CHD1: variants seen among roughly 807,000 people sequenced by gnomAD.
CHD1 encodes ATP-dependent chromatin remodeler CHD1.
In CHD1, 36 loss-of-function variants were observed where a neutral mutation model predicts 224.2. The observed-to-expected ratio is 0.16, with a 90% confidence interval of 0.12 to 0.21. The LOEUF (loss-of-function observed/expected upper bound fraction) is 0.21, where lower values mean the gene tolerates loss of function less well. CHD1 is among the 10% of genes least tolerant of loss of function. CHD1 has a pLI of 1.00. For missense variants in CHD1, 1,378 were observed against 1,994.8 expected (o/e 0.69, Z 5.89); for synonymous variants, 668 against 658.3 (o/e 1.01, Z -0.23).
chr5:98,905,160 G>A (rs935794034), intron 2 of CHD1, 62 bp from the exon 3 acceptor site: 21 of 1,589,746 alleles, frequency 1.3e-5, no homozygotes, highest in Admixed American at 6.9e-5. Flanking sequence ...TTTCTTAGAC[G>A]TCAGCAGAAA....
At chr5:98,892,932 G>A (rs1264782691) in intron 14 of CHD1, among the ~76,000 whole-genome samples, 2 of 152,140 alleles carry the variant, frequency 1.3e-5, no homozygotes, top group African/African-American at 4.8e-5. Context: ...CTTGAATCAA[G>A]TGAATATGAA....
rs1407132883 is a variant in CHD1, at chr5:98,900,937, C to A, written c.733G>T (p.Asp245Tyr). 6.2e-7 allele frequency: 1 copy of A among 1,614,064 alleles called. No homozygotes were observed. Among genetic ancestry groups the A allele is most frequent in the South Asian group, 1.1e-5 (1 of 91,080 alleles). Residue 245 changes from aspartate (D) to tyrosine (Y), a missense_variant, in exon 7 of 36, where the codon GAT becomes TAT. Coordinates refer to ENST00000614616, the MANE Select transcript of CHD1 (RefSeq NM_001270.4). ...TCAGAATCTGTTTTCATTTCTTCATCCTCCTTATAGCTAACATTAACAGTT... is the reference window on the plus strand; with the variant it reads ...TCAGAATCTGTTTTCATTTCTTCATACTCCTTATAGCTAACATTAACAGTT... ...QATVNVSYKE[D>Y]EEMKTDSDDL...
chr5:98,915,896 T>A (rs1752700098), intron 2 of CHD1, among the ~76,000 whole-genome samples: 1 of 152,190 alleles, frequency 6.6e-6, no homozygotes, highest in Admixed American at 6.5e-5. Context: ...TGCCTACATT[T>A]AAAAGTTCAA....
chr5:98,917,613 T>A (rs1412406605), intron 2 of CHD1, among the ~76,000 whole-genome samples: 13 of 152,146 alleles, frequency 8.5e-5, no homozygotes, highest in Non-Finnish European at 1.9e-4. Flanking sequence ...TTGGAGTCAT[T>A]CTCATTAAGA....
intron 12 of CHD1, among the ~76,000 whole-genome samples, chr5:98,895,870 A>T (rs1358203183): frequency 1.3e-5 from 2 of 152,208 alleles, no homozygotes; most frequent in Non-Finnish European, 2.9e-5. Flanking sequence ...GTTCTATACC[A>T]GAAACAAAGA....
At chr5:98,892,127 C>A (rs889426885) in intron 15 of CHD1, among the ~76,000 whole-genome samples, 3 of 152,082 alleles carry the variant, frequency 2.0e-5, no homozygotes, top group Admixed American at 6.5e-5. Flanking sequence ...TTTATACCAG[C>A]TATGATTTGT....
intron 24 of CHD1, among the ~76,000 whole-genome samples, chr5:98,876,078 ACC>A (rs1749725779): frequency 6.6e-6 from 1 of 152,186 alleles, no homozygotes; most frequent in African/African-American, 2.4e-5. Context: ...AGTCATAAAC[ACC>A]GTGAGAATTT....
chr5:98,874,717 A>G (rs1288611257), intron 25 of CHD1, among the ~76,000 whole-genome samples: 2 of 140,754 alleles, frequency 1.4e-5, no homozygotes, highest in African/African-American at 5.5e-5. Flanking sequence ...ATTTAAAAAG[A>G]AAAAAAAAAA....
intron 21 of CHD1, 40 bp downstream of exon 21, chr5:98,881,238 AT>A (rs1750155655): frequency 1.7e-6 from 2 of 1,210,586 alleles, no homozygotes; most frequent in East Asian, 5.2e-5. Context: ...TATGACACAT[AT>A]TCTGAGGCAG....
At chr5:98,900,688 C>A in intron 7 of CHD1, 123 bp downstream of exon 7, 1 of 802,950 alleles carries the variant, frequency 1.2e-6, no homozygotes, top group South Asian at 1.8e-5. Context: ...TCTAGAACTC[C>A]TGATCCATCG....
intron 2 of CHD1, among the ~76,000 whole-genome samples, chr5:98,925,108 T>C (rs968653331): frequency 6.6e-6 from 1 of 152,204 alleles, no homozygotes; most frequent in Non-Finnish European, 1.5e-5. Context: ...TCCACCCCCA[T>C]GTCTCCATCA....
chr5:98,870,159 C>A (rs938735483), intron 29 of CHD1, among the ~76,000 whole-genome samples: 1 of 152,036 alleles, frequency 6.6e-6, no homozygotes, highest in African/African-American at 2.4e-5. Flanking sequence ...ATTATTATGG[C>A]CTTCAGCTTA....
At chr5:98,863,669 C>T (rs974985709) in intron 31 of CHD1, 83 bp from the exon 32 acceptor site, 2 of 884,566 alleles carry the variant, frequency 2.3e-6, no homozygotes, top group African/African-American at 1.7e-5. Context: ...ATGATATTTA[C>T]ATGAGTATAA....
chr5:98,892,103 C>A (rs1391865456), intron 15 of CHD1, among the ~76,000 whole-genome samples: 1 of 152,110 alleles, frequency 6.6e-6, no homozygotes, highest in Non-Finnish European at 1.5e-5. Context: ...CTGTATAGAT[C>A]TTGACATACA....
intron 17 of CHD1, 130 bp downstream of exon 17, chr5:98,887,958 A>G (rs1299513095): frequency 2.0e-6 from 1 of 493,124 alleles, no homozygotes; most frequent in Non-Finnish European, 3.3e-6. Context: ...TAAAGCAGAT[A>G]CATCTTTTTA....
Position 98,872,433 on chromosome 5 carries a change from G to C in CHD1, c.3694C>G (p.Pro1232Ala). The part of the protein sequence containing the change: ...IPLHKSIPSD[P>A]EERKQYTIPC... ...ATCACTCACTGCTTTCTTTCTTCTG[G>C]ATCAGAAGGAATGGATTTGTGCAAA... is the stretch of plus-strand genomic sequence containing the variant. The change falls in exon 27 of 36, where the codon CCA becomes GCA. Residue 1232 changes from proline (P) to alanine (A), a missense_variant. Physicochemically the swap from Pro to Ala is conservative, Grantham distance 27. Transcript: ENST00000614616. The C allele has an allele frequency of 1.9e-6, 3 of 1,610,716 alleles. No homozygotes were observed. The highest frequency in any genetic ancestry group is 2.5e-6 in the Non-Finnish European group (3 of 1,179,026).
In CHD1 at chr5:98,876,457, T is replaced by C; in HGVS notation, c.3339A>G (p.Gly1113=). ...ISEGKRPKKR[G]RPRTIPRENI... ...TCTCCCGAGGAATAGTCCGTGGTCT[T>C]CCACGTTTCTTTGGCCTTTTCCCTT... The change falls in exon 24 of 36, where the codon GGA becomes GGG. Residue 1113 remains glycine (G), a synonymous_variant. Transcript: ENST00000614616. 1 of 1,614,146 alleles carries C rather than the reference T, an allele frequency of 6.2e-7. No homozygotes were observed. The highest frequency in any genetic ancestry group is 8.5e-7 in the Non-Finnish European group (1 of 1,179,978).
intron 32 of CHD1, chr5:98,860,420 T>TA (rs1748381494): frequency 3.5e-6 from 1 of 285,878 alleles, no homozygotes; most frequent in Non-Finnish European, 6.8e-6. Context: ...AAGGGACAGG[T>TA]ATGTTAATAA....
chr5:98,904,403 A>C lies in CHD1; in HGVS notation c.255+494T>G, dbSNP rs749370758. Among the ~76,000 whole-genome samples, 5 of 152,204 alleles carry C rather than the reference A, an allele frequency of 3.3e-5. No individual in the cohort carries two copies. The East Asian group carries it at 9.6e-4, about 29-fold the overall frequency. Reference sequence around the variant, plus strand: ...TGAGTAACACTGTATACTACCACGAAGTATAGACAAGTTTTTGTATCTCTT... The same window carrying C: ...TGAGTAACACTGTATACTACCACGACGTATAGACAAGTTTTTGTATCTCTT... On this transcript the variant is annotated intron_variant, in intron 3 of 35. Coordinates refer to ENST00000614616, the MANE Select transcript of CHD1 (RefSeq NM_001270.4).
Sources: gnomAD v4.1 joint callset for allele counts (sites outside exome capture counted in the v4.1 genomes callset) on GRCh38, gnomAD v4.1.1 for gene constraint, MANE v1.5 for transcripts, NCBI Gene and HGNC (gene_info 2026-07-23, HGNC 2026-07-21) for gene names.